CACNA1D: variants seen among roughly 807,000 people sequenced by gnomAD.
The protein encoded by CACNA1D is calcium voltage-gated channel subunit alpha1 D.
Under a neutral mutation model 257.1 loss-of-function variants are expected in CACNA1D, and 55 were observed. The observed-to-expected ratio is 0.21, with a 90% confidence interval of 0.17 to 0.27. The LOEUF (loss-of-function observed/expected upper bound fraction) is 0.27. CACNA1D is among the 10% of genes least tolerant of loss of function. The probability of loss-of-function intolerance (pLI) is 1.00; values close to 1 mark genes in which losing one functional copy is unlikely to be tolerated. For missense variants in CACNA1D, 1,876 were observed against 2,784.0 expected (o/e 0.67, Z 7.34); for synonymous variants, 980 against 1,014.9 (o/e 0.97, Z 0.65).
chr3:53,498,080 T>C (rs2107082194), intron 2 of CACNA1D, among the ~76,000 whole-genome samples: 1 of 152,328 alleles, frequency 6.6e-6, no homozygotes, highest in East Asian at 1.9e-4. Flanking sequence ...TATAACTTCC[T>C]GGAATTTCCT....
chr3:53,565,115 A>G (rs950148694), intron 3 of CACNA1D, among the ~76,000 whole-genome samples: 1 of 152,176 alleles, frequency 6.6e-6, no homozygotes, highest in African/African-American at 2.4e-5. Context: ...ATAACAAATC[A>G]AATTTCCTTA....
At chr3:53,561,805 C>T (rs1575876548) in intron 3 of CACNA1D, among the ~76,000 whole-genome samples, 1 of 152,230 alleles carries the variant, frequency 6.6e-6, no homozygotes, top group East Asian at 1.9e-4. Context: ...GGAATTTGTT[C>T]TGAAAATGGT....
At position 53,811,622 on chromosome 3, in the gene CACNA1D, C is replaced by A; in HGVS notation, c.*216C>A. On this transcript the variant is annotated 3_prime_UTR_variant, in exon 48 of 48. Transcript: ENST00000350061. This position sits in a 1 kb window ranked among gnomAD's most constrained non-coding sequence, Gnocchi z 4.2. ...CTGGCAGAGTACCATGCGCTCGGCC[C>A]CAGCTGCAGGAAACAGCAGGCCCCG... The A allele has an allele frequency of 2.1e-6, 1 of 468,114 alleles. No homozygotes were observed. The highest frequency in any genetic ancestry group is 5.5e-4 in the Middle Eastern group (1 of 1,810). 29.0% of individuals were successfully genotyped at this position (468,114 alleles called of 1,614,324 possible).
At chr3:53,640,107 C>G (rs968686432) in intron 3 of CACNA1D, among the ~76,000 whole-genome samples, 2 of 152,080 alleles carry the variant, frequency 1.3e-5, no homozygotes, top group African/African-American at 4.8e-5. Context: ...GGTGATCCAC[C>G]TGCTTCGGCC....
chr3:53,623,127 A>G (rs896630375), intron 3 of CACNA1D, among the ~76,000 whole-genome samples: 12 of 152,334 alleles, frequency 7.9e-5, no homozygotes, highest in African/African-American at 2.6e-4. Flanking sequence ...TGACCTCGTG[A>G]TCAGCCGGTC....
intron 32 of CACNA1D, among the ~76,000 whole-genome samples, chr3:53,770,773 C>T (rs918589022): frequency 1.3e-5 from 2 of 152,220 alleles, no homozygotes; most frequent in African/African-American, 4.8e-5. Context: ...CAGGAAGGAT[C>T]CGTAGCTGAG....
At chr3:53,518,498 A>G (rs996776072) in intron 3 of CACNA1D, among the ~76,000 whole-genome samples, 10 of 152,116 alleles carry the variant, frequency 6.6e-5, no homozygotes, top group Admixed American at 5.2e-4. Flanking sequence ...CTGGAGGTAG[A>G]GACTGTGATT....
chr3:53,672,808 GTGTGTGTGTGTATGGATGCT>G (rs1559496932), intron 7 of CACNA1D, among the ~76,000 whole-genome samples, 195 bp from the exon 8 acceptor site: 1 of 130,196 alleles, frequency 7.7e-6, no homozygotes, highest in Non-Finnish European at 1.7e-5. Flanking sequence ...GTGTGTGTGT[GTGTGTGTGTGTATGGATGCT>G]TGTGTGTGTG....
rs1192846004 is a variant in CACNA1D, at chr3:53,801,445, T to C, written c.5408+20T>C. On this transcript the variant is annotated intron_variant, in intron 42 of 47. Coordinates refer to ENST00000350061, the MANE Select transcript of CACNA1D (RefSeq NM_001128840.3). ...GAAAAGGTAACCTTGACAATGTGTTTGGACTTGCTCATGTGGTGTCTGCCC... is the reference window on the plus strand; with the variant it reads ...GAAAAGGTAACCTTGACAATGTGTTCGGACTTGCTCATGTGGTGTCTGCCC... 1 of 1,613,018 alleles carries C rather than the reference T, an allele frequency of 6.2e-7. No individual in the cohort carries two copies. Among genetic ancestry groups the C allele is most frequent in the Admixed American group, 1.7e-5 (1 of 60,022 alleles).
intron 9 of CACNA1D, among the ~76,000 whole-genome samples, chr3:53,703,716 G>A (rs760448901): frequency 1.3e-5 from 2 of 152,182 alleles, no homozygotes; most frequent in East Asian, 1.9e-4. Flanking sequence ...GAAGATGGCC[G>A]AGCAAGTCCC....
At chr3:53,589,176 A>T (rs1030996979) in intron 3 of CACNA1D, among the ~76,000 whole-genome samples, 2 of 152,128 alleles carry the variant, frequency 1.3e-5, no homozygotes, top group African/African-American at 4.8e-5. Context: ...TGTTTATGAG[A>T]CCCTATCCTC....
intron 2 of CACNA1D, among the ~76,000 whole-genome samples, chr3:53,499,986 T>C (rs2090520891): frequency 6.6e-6 from 1 of 152,028 alleles, no homozygotes; most frequent in Non-Finnish European, 1.5e-5. Flanking sequence ...TAAAGCTGAC[T>C]GGCTTAAAAA....
chr3:53,791,767 T>C (rs2095484386), intron 40 of CACNA1D: 2 of 152,402 alleles, frequency 1.3e-5, no homozygotes, highest in Admixed American at 1.3e-4. Context: ...TCATCTAACA[T>C]TGTCCGTCTT....
chr3:53,583,657 A>G (rs2093167871), intron 3 of CACNA1D, among the ~76,000 whole-genome samples: 1 of 152,042 alleles, frequency 6.6e-6, no homozygotes, highest in African/African-American at 2.4e-5. Flanking sequence ...GTGAATCTGC[A>G]CTCTATTTAT....
chr3:53,766,209 G>T (rs1159619943), intron 30 of CACNA1D: 1 of 152,264 alleles, frequency 6.6e-6, no homozygotes, highest in Non-Finnish European at 1.5e-5. Flanking sequence ...GTTTGGACCA[G>T]GTGGCTGACA....
rs137955286 is a variant in CACNA1D at position 53,610,836 on chromosome 3, C to G, written c.484-39943C>G. On this transcript the variant is annotated intron_variant, in intron 3 of 47. Coordinates refer to ENST00000350061, the MANE Select transcript of CACNA1D (RefSeq NM_001128840.3). ...ATACGTGTATTTACCATTTATAGGGCTCTTCATTTCTTTGCATAGATTCAC... is the reference window on the plus strand; with the variant it reads ...ATACGTGTATTTACCATTTATAGGGGTCTTCATTTCTTTGCATAGATTCAC... Among the ~76,000 whole-genome samples, 514 of 152,200 alleles carry G rather than the reference C, an allele frequency of 3.4e-3. 2 individuals carry two copies. Among genetic ancestry groups the G allele is most frequent in the African/African-American group, 0.012 (498 of 41,514 alleles).
intron 8 of CACNA1D, among the ~76,000 whole-genome samples, chr3:53,701,079 C>T (rs1486631995): frequency 1.3e-5 from 2 of 151,710 alleles, no homozygotes; most frequent in Non-Finnish European, 1.5e-5. Flanking sequence ...TGTTCAGCCC[C>T]TCGACAGCCT....
intron 3 of CACNA1D, among the ~76,000 whole-genome samples, chr3:53,608,115 C>G (rs1410175872): frequency 6.6e-6 from 1 of 152,140 alleles, no homozygotes; most frequent in Non-Finnish European, 1.5e-5. Context: ...AATATCAAGT[C>G]TTCTGTCCAT....
At chr3:53,511,383 G>A (rs1173977393) in intron 3 of CACNA1D, among the ~76,000 whole-genome samples, 3 of 152,126 alleles carry the variant, frequency 2.0e-5, no homozygotes, top group Non-Finnish European at 2.9e-5. Context: ...CTGACACACA[G>A]GGTTTTTATC....
Sources: gnomAD v4.1 joint callset for allele counts (sites outside exome capture counted in the v4.1 genomes callset) on GRCh38, gnomAD v4.1.1 for gene constraint, Gnocchi (gnomAD v3.1) non-coding constraint, MANE v1.5 for transcripts, NCBI Gene and HGNC (gene_info 2026-07-23, HGNC 2026-07-21) for gene names.